The following PTPRD variants were observed in gnomAD, a reference collection of about 807,000 sequenced individuals.
The protein encoded by PTPRD is protein tyrosine phosphatase receptor type D.
PTPRD carries 34 observed loss-of-function variants against 214.5 expected under a neutral mutation model. That is an observed-to-expected ratio of 0.16 (90% CI 0.12 to 0.21). The LOEUF is 0.21. Among genes scored for constraint, PTPRD ranks in the 10% least tolerant of loss-of-function variants. The probability of loss-of-function intolerance (pLI) is 1.00; values close to 1 mark genes in which losing one functional copy is unlikely to be tolerated. For missense variants in PTPRD, 2,545 were observed against 2,398.7 expected (o/e 1.06, Z -1.27); for synonymous variants, 1,128 against 845.7 (o/e 1.33, Z -5.79).
At chr9:8,540,975 C>G (rs753146485) in intron 14 of PTPRD, among the ~76,000 whole-genome samples, 1 of 152,090 alleles carries the variant, frequency 6.6e-6, no homozygotes, top group South Asian at 2.1e-4. Flanking sequence ...GAGGTAATGG[C>G]AGTTTTCTTT....
intron 2 of PTPRD, among the ~76,000 whole-genome samples, chr9:10,521,068 T>C (rs118031671): frequency 1.3e-5 from 2 of 151,958 alleles, no homozygotes; most frequent in African/African-American, 4.8e-5. Flanking sequence ...CTTCCATAGA[T>C]AGTGATTCTT....
At chr9:10,479,995 T>G (rs904838018) in intron 2 of PTPRD, among the ~76,000 whole-genome samples, 1 of 152,128 alleles carries the variant, frequency 6.6e-6, no homozygotes, top group Non-Finnish European at 1.5e-5. Context: ...AAGGGAGAAG[T>G]CTGGAGGCAA....
chr9:8,373,446 C>G (rs866520256), intron 39 of PTPRD, among the ~76,000 whole-genome samples: 1 of 151,986 alleles, frequency 6.6e-6, no homozygotes. Flanking sequence ...TATACCTACT[C>G]TTCTGTTGTT....
intron 9 of PTPRD, among the ~76,000 whole-genome samples, chr9:9,308,684 C>G (rs1472721244): frequency 6.6e-6 from 1 of 151,958 alleles, no homozygotes; most frequent in Non-Finnish European, 1.5e-5. Context: ...TTTACCGGCA[C>G]CTGATTAAAA....
rs532446641 is a variant in PTPRD, at chr9:8,936,981, GT to G, written c.-104+81715del. On this transcript the variant is annotated intron_variant, in intron 11 of 45. Coordinates refer to ENST00000381196, the MANE Select transcript of PTPRD (RefSeq NM_002839.4). ...AGAGGAGCACTTTTTTGGTTTATTTGTTTTTGGTAACAAGTAAGAAATAAAG... is the reference window on the plus strand; with the variant it reads ...AGAGGAGCACTTTTTTGGTTTATTTGTTTTGGTAACAAGTAAGAAATAAAG... 3.2e-4 allele frequency among the ~76,000 whole-genome samples: 48 copies of G among 152,094 alleles called. 1 individual carries two copies. In the South Asian group the frequency reaches 9.8e-3, roughly 31 times the overall value.
At chr9:9,634,995 A>G (rs2095711981) in intron 7 of PTPRD, among the ~76,000 whole-genome samples, 1 of 152,194 alleles carries the variant, frequency 6.6e-6, no homozygotes, top group South Asian at 2.1e-4. Flanking sequence ...AACACAAATG[A>G]AAGGATGGAT....
chr9:8,451,686 G>C (rs1399575699), intron 33 of PTPRD, among the ~76,000 whole-genome samples: 3 of 152,132 alleles, frequency 2.0e-5, no homozygotes, highest in Admixed American at 1.3e-4. Flanking sequence ...CATATGGTTG[G>C]TCTTCTCACT....
intron 8 of PTPRD, among the ~76,000 whole-genome samples, chr9:9,438,175 T>G (rs1351200467): frequency 1.3e-5 from 2 of 152,172 alleles, no homozygotes; most frequent in Non-Finnish European, 2.9e-5. Context: ...TCTATGAAGA[T>G]CCTATCTTTA....
rs568580486 is a variant in PTPRD at position 10,572,575 on chromosome 9, G to A, written c.-600+39823C>T. Among the ~76,000 whole-genome samples, 25 of 152,300 alleles carry A rather than the reference G, an allele frequency of 1.6e-4. No homozygotes were observed. In the South Asian group the frequency reaches 4.8e-3, roughly 29 times the overall value. The stretch of plus-strand genomic sequence containing the variant: ...TGAAATCCATAGCATAAAGCTGTCA[G>A]CATGTAGATGGGGGAGGAAGAGCTA... On this transcript the variant is annotated intron_variant, in intron 2 of 45. Coordinates refer to ENST00000381196, the MANE Select transcript of PTPRD (RefSeq NM_002839.4).
At chr9:10,198,076 A>G (rs1391547369) in intron 3 of PTPRD, among the ~76,000 whole-genome samples, 2 of 152,186 alleles carry the variant, frequency 1.3e-5, no homozygotes. Context: ...TCTATTAAAT[A>G]GAAGAATAAA....
At chr9:10,462,743 A>G (rs2098967907) in intron 2 of PTPRD, among the ~76,000 whole-genome samples, 1 of 151,976 alleles carries the variant, frequency 6.6e-6, no homozygotes, top group South Asian at 2.1e-4. Context: ...GTAAAAAAAA[A>G]AAATACTGCA....
intron 8 of PTPRD, among the ~76,000 whole-genome samples, chr9:9,445,463 C>T (rs2090055925): frequency 6.6e-6 from 1 of 152,078 alleles, no homozygotes; most frequent in Admixed American, 6.6e-5. Flanking sequence ...TAAAGAACTG[C>T]TCGGGACTGG....
At chr9:8,850,347 T>C (rs999778033) in intron 11 of PTPRD, among the ~76,000 whole-genome samples, 4 of 152,080 alleles carry the variant, frequency 2.6e-5, no homozygotes, top group African/African-American at 4.8e-5. Flanking sequence ...GGGATATAGA[T>C]AAAATGAAAA....
intron 11 of PTPRD, among the ~76,000 whole-genome samples, chr9:8,892,933 T>C (rs1476890247): frequency 6.6e-6 from 1 of 151,716 alleles, no homozygotes. Context: ...ATAAAGACAA[T>C]AAAGTGAGTC....
chr9:8,334,264 T>C (rs902602266), intron 43 of PTPRD, among the ~76,000 whole-genome samples: 1 of 152,034 alleles, frequency 6.6e-6, no homozygotes, highest in Non-Finnish European at 1.5e-5. Flanking sequence ...TATTCTAACA[T>C]TGACCACATA....
At chr9:8,798,076 A>T (rs12555779) in intron 11 of PTPRD, among the ~76,000 whole-genome samples, 49,118 of 151,866 alleles carry the variant, frequency 0.32, 8,276 homozygotes, top group Admixed American at 0.39. Context: ...ATTCTACCCT[A>T]TATGCTTTAT....
At chr9:8,963,946 G>C (rs2099172428) in intron 11 of PTPRD, among the ~76,000 whole-genome samples, 1 of 151,964 alleles carries the variant, frequency 6.6e-6, no homozygotes, top group Non-Finnish European at 1.5e-5. Context: ...GTTGAGTTTG[G>C]TTTGCTTGTA....
intron 7 of PTPRD, among the ~76,000 whole-genome samples, chr9:9,707,059 G>T (rs2154419184): frequency 6.6e-6 from 1 of 152,174 alleles, no homozygotes; most frequent in East Asian, 1.9e-4. Flanking sequence ...ATAAGAAAAT[G>T]AACAGATGTC....
chr9:10,227,425 A>G (rs1271545917), intron 3 of PTPRD, among the ~76,000 whole-genome samples: 1 of 151,928 alleles, frequency 6.6e-6, no homozygotes, highest in African/African-American at 2.4e-5. Context: ...AATTTAAATA[A>G]CTTCTATTAC....
Sources: gnomAD v4.1 joint callset for allele counts (sites outside exome capture counted in the v4.1 genomes callset) on GRCh38, gnomAD v4.1.1 for gene constraint, MANE v1.5 for transcripts, NCBI Gene and HGNC (gene_info 2026-07-23, HGNC 2026-07-21) for gene names.